Variants in TNKS2 observed in about 807,000 individuals in gnomAD.
TNKS2 encodes poly [ADP-ribose] polymerase tankyrase-2.
A neutral mutation model predicts 137.6 loss-of-function variants in TNKS2; 72 were observed. The ratio of observed to expected loss-of-function variants is 0.52; its 90% CI spans 0.43 to 0.64. The LOEUF (loss-of-function observed/expected upper bound fraction) is 0.64, where lower values mean the gene tolerates loss of function less well. Ranked by LOEUF, TNKS2 falls within the 30% of genes least tolerant of loss-of-function variation. The pLI, the probability that TNKS2 is intolerant of heterozygous loss-of-function variation, is 0.00. For synonymous variants in TNKS2, 516 were observed against 512.1 expected, an observed-to-expected ratio of 1.01 and a Z score of -0.10; for missense variants, 1,049 against 1,410.2, an observed-to-expected ratio of 0.74 and a Z score of 4.10.
intron 7 of TNKS2, among the ~76,000 whole-genome samples, chr10:91,824,721 T>C (rs967952966): frequency 4.6e-5 from 7 of 152,182 alleles, no homozygotes; most frequent in Non-Finnish European, 8.8e-5. Context: ...ATAACTAATA[T>C]TCAAGTTGAT....
chr10:91,849,605 A>C lies in TNKS2; in HGVS notation c.2694+11A>C. 1 of 1,586,764 alleles carries C rather than the reference A, an allele frequency of 6.3e-7. No homozygotes were observed. The highest frequency in any genetic ancestry group is 8.6e-7 in the Non-Finnish European group (1 of 1,167,892). The stretch of plus-strand genomic sequence containing the variant: ...TTTGAGAGAGAACAGGTGAGTAGAT[A>C]AATCATATTGTTTGGATTAGTGTTT... On this transcript the variant is annotated intron_variant, in intron 20 of 26. Transcript: ENST00000371627.
At chr10:91,830,287 A>G (rs1397955274) in intron 9 of TNKS2, among the ~76,000 whole-genome samples, 1 of 152,068 alleles carries the variant, frequency 6.6e-6, no homozygotes, top group Non-Finnish European at 1.5e-5. Context: ...GCATGATCTC[A>G]GCTCACTGCA....
At chr10:91,853,929 G>A (rs1165726202) in intron 21 of TNKS2, among the ~76,000 whole-genome samples, 1 of 152,194 alleles carries the variant, frequency 6.6e-6, no homozygotes, top group Non-Finnish European at 1.5e-5. Flanking sequence ...TTGTTGTAGA[G>A]ATTAAAGGAG....
At chr10:91,826,438 G>A (rs914914644) in intron 7 of TNKS2, among the ~76,000 whole-genome samples, 1 of 152,148 alleles carries the variant, frequency 6.6e-6, no homozygotes, top group African/African-American at 2.4e-5. Flanking sequence ...CAATGAAAAT[G>A]AACTACTTGT....
chr10:91,827,208 G>A lies in TNKS2; in HGVS notation c.982+5G>A. On this transcript the variant is annotated splice_donor_5th_base_variant and intron_variant, in intron 8 of 26. Transcript: ENST00000371627. ...AGTTAAAAGAAAGATTAGCATGTGA[G>A]TATAAAATTATGAATGTTCAGGTAG... 1 of 1,512,482 alleles carries A rather than the reference G, an allele frequency of 6.6e-7. No individual in the cohort carries two copies. The highest frequency in any genetic ancestry group is 8.9e-7 in the Non-Finnish European group (1 of 1,125,718). 93.7% of individuals were successfully genotyped at this position (1,512,482 alleles called of 1,614,324 possible).
chr10:91,819,717 T>C (rs1333494456), intron 5 of TNKS2, among the ~76,000 whole-genome samples, 160 bp downstream of exon 5: 23 of 152,246 alleles, frequency 1.5e-4, no homozygotes, highest in African/African-American at 2.4e-5. Flanking sequence ...AGTAAAACTT[T>C]ATTGATGATA....
Position 91,845,032 on chromosome 10 carries a change from A to G in TNKS2, c.2169+4A>G. On this transcript the variant is annotated splice_donor_region_variant and intron_variant, in intron 17 of 26. Coordinates refer to ENST00000371627, the MANE Select transcript of TNKS2 (RefSeq NM_025235.4). The stretch of plus-strand genomic sequence containing the variant: ...ACATAATGCAGCATCTTACGGGGTA[A>G]GTTCTTCCGTGTTACCTTTAAAAAT... 1.9e-6 allele frequency: 3 copies of G among 1,589,234 alleles called. No homozygotes were observed. The highest frequency in any genetic ancestry group is 2.6e-6 in the Non-Finnish European group (3 of 1,160,756).
In TNKS2 at chr10:91,842,167, C is replaced by G; in HGVS notation, c.1840-5C>G. 1 of 1,602,010 alleles carries G rather than the reference C, an allele frequency of 6.2e-7. No homozygotes were observed. Among genetic ancestry groups the G allele is most frequent in the Non-Finnish European group, 8.5e-7 (1 of 1,173,528 alleles). Reference sequence around the variant, plus strand: ...CCCCTTTTTTTCTGTTTTTCACATGCCTAGCATGGTGCAGACCCTACAAAA... The same window carrying G: ...CCCCTTTTTTTCTGTTTTTCACATGGCTAGCATGGTGCAGACCCTACAAAA... On this transcript the variant is annotated splice_polypyrimidine_tract_variant and splice_region_variant and intron_variant, in intron 15 of 26. Coordinates refer to ENST00000371627, the MANE Select transcript of TNKS2 (RefSeq NM_025235.4).
In TNKS2 at chr10:91,798,730, G is replaced by C; in HGVS notation, c.40G>C (p.Ala14Pro). The C allele has an allele frequency of 8.0e-7, 1 of 1,243,080 alleles. No homozygotes were observed. Among genetic ancestry groups the C allele is most frequent in the Non-Finnish European group, 1.0e-6 (1 of 989,374 alleles). 77.0% of individuals were successfully genotyped at this position (1,243,080 alleles called of 1,614,324 possible). A position where few individuals can be genotyped will look rare whatever the true frequency, so the allele number is the denominator to read the frequency against. ...RRCAGGGAAC[A>P]SAAAEAVEPA... is the part of the protein sequence containing the mutation. Reference sequence around the variant, plus strand: ...CTGCGCCGGCGGGGGAGCGGCCTGCGCGAGCGCCGCGGCCGAGGCCGTGGA... The same window carrying C: ...CTGCGCCGGCGGGGGAGCGGCCTGCCCGAGCGCCGCGGCCGAGGCCGTGGA... The change falls in exon 1 of 27, where the codon GCG (alanine) becomes CCG (proline). Residue 14 changes from alanine to proline, a missense_variant. Coordinates refer to ENST00000371627, the MANE Select transcript of TNKS2 (RefSeq NM_025235.4).
chr10:91,819,670 T>C (rs1844822918), intron 5 of TNKS2, 113 bp downstream of exon 5: 1 of 892,998 alleles, frequency 1.1e-6, no homozygotes, highest in Non-Finnish European at 1.7e-6. Context: ...ATGTTTTAAG[T>C]GTTTCAGTAT....
chr10:91,823,301 T>A (rs555499217), intron 7 of TNKS2, among the ~76,000 whole-genome samples: 2 of 143,510 alleles, frequency 1.4e-5, no homozygotes, highest in Non-Finnish European at 3.0e-5. Context: ...ACTTTTTTTG[T>A]TGTTTTTTTG....
Position 91,865,070 on chromosome 10 carries a change from G to C in TNKS2, c.*2071G>C, listed in dbSNP as rs546449837. On this transcript the variant is annotated 3_prime_UTR_variant, in exon 27 of 27. Coordinates refer to ENST00000371627, the MANE Select transcript of TNKS2 (RefSeq NM_025235.4). ...TGTTTGTTGGGAAGTTGGGGTTTTGGGGGGAGGGGGAGTATTAGTACGTTG... is the reference window on the plus strand; with the variant it reads ...TGTTTGTTGGGAAGTTGGGGTTTTGCGGGGAGGGGGAGTATTAGTACGTTG... 16 of 152,386 alleles carry C rather than the reference G, an allele frequency of 1.0e-4. No individual in the cohort carries two copies. Among genetic ancestry groups the C allele is most frequent in the Non-Finnish European group, 1.5e-4 (10 of 67,952 alleles). The allele number at this position is 152,386 out of a possible 1,614,324, so 9.4% of individuals were successfully genotyped here.
intron 13 of TNKS2, among the ~76,000 whole-genome samples, chr10:91,838,694 A>G (rs928270297): frequency 6.6e-5 from 10 of 152,194 alleles, no homozygotes; most frequent in Non-Finnish European, 1.3e-4. Context: ...ATATCTAGCC[A>G]GATCTTATTT....
intron 1 of TNKS2, among the ~76,000 whole-genome samples, chr10:91,799,258 G>A (rs1365897085): frequency 1.3e-5 from 2 of 152,120 alleles, no homozygotes; most frequent in Non-Finnish European, 2.9e-5. Context: ...TGATTTAAAA[G>A]GTCAGTTACC....
At chr10:91,802,054 G>A (rs1467163530) in intron 1 of TNKS2, among the ~76,000 whole-genome samples, 1 of 152,136 alleles carries the variant, frequency 6.6e-6, no homozygotes, top group African/African-American at 2.4e-5. Context: ...TGGAGTAGGG[G>A]TAGGAGCTTG....
intron 1 of TNKS2, chr10:91,812,667 A>C (rs2133600194): frequency 1.4e-5 from 8 of 556,114 alleles, no homozygotes; most frequent in Non-Finnish European, 1.8e-5. Flanking sequence ...AATACGCAGA[A>C]CTCTATTGTA....
chr10:91,798,801 G>A lies in TNKS2; in HGVS notation c.111G>A (p.Val37=). The A allele has an allele frequency of 3.1e-6, 4 of 1,311,104 alleles. No individual in the cohort carries two copies. The highest frequency in any genetic ancestry group is 3.9e-6 in the Non-Finnish European group (4 of 1,020,602). 81.2% of individuals were successfully genotyped at this position (1,311,104 alleles called of 1,614,324 possible). The change falls in exon 1 of 27, where the codon GTG becomes GTA. Residue 37 remains valine, a synonymous_variant. Coordinates refer to ENST00000371627, the MANE Select transcript of TNKS2 (RefSeq NM_025235.4). The part of the protein sequence containing the change: ...ELFEACRNGD[V]ERVKRLVTPE... ...TCGAGGCGTGCCGCAACGGGGACGT[G>A]GAACGAGTCAAGAGGCTGGTGACGC...
rs370429610 is a variant in TNKS2, at chr10:91,857,510, A to G, written c.3074A>G (p.Asn1025Ser). 2.5e-6 allele frequency: 4 copies of G among 1,610,496 alleles called. No individual in the cohort carries two copies. The highest frequency in any genetic ancestry group is 2.2e-5 in the East Asian group (1 of 44,776). The change falls in exon 24 of 27, where the codon AAT (asparagine) becomes AGT (serine). Residue 1025 changes from asparagine (N) to serine (S), a missense_variant. Coordinates refer to ENST00000371627, the MANE Select transcript of TNKS2 (RefSeq NM_025235.4). Reference protein sequence around the residue: ...EVSEENHNHANERMLFHGSPF... With the variant: ...EVSEENHNHASERMLFHGSPF... ...TCTGAAGAAAACCACAACCATGCCAATGAACGAATGCTATTTCATGGTAAG... is the reference window on the plus strand; with the variant it reads ...TCTGAAGAAAACCACAACCATGCCAGTGAACGAATGCTATTTCATGGTAAG...
At chr10:91,827,445 A>G (rs887378280) in intron 8 of TNKS2, among the ~76,000 whole-genome samples, 2 of 152,152 alleles carry the variant, frequency 1.3e-5, no homozygotes, top group Non-Finnish European at 2.9e-5. Flanking sequence ...GCTGTATTAG[A>G]CTTATTAGAT....
Sources: allele counts gnomAD v4.1 joint callset (sites outside exome capture counted in the v4.1 genomes callset), GRCh38; gene constraint gnomAD v4.1.1; transcripts MANE v1.5; gene names NCBI Gene and HGNC (gene_info 2026-07-23, HGNC 2026-07-21).